The following NLGN1 variants were observed in gnomAD, a reference collection of about 807,000 sequenced individuals.
NLGN1 encodes neuroligin 1.
NLGN1 carries 12 observed loss-of-function variants against 65.5 expected under a neutral mutation model. That is an observed-to-expected ratio of 0.18 (90% CI 0.12 to 0.30). The LOEUF (loss-of-function observed/expected upper bound fraction) is 0.30. Among genes scored for constraint, NLGN1 ranks in the 10% least tolerant of loss-of-function variants. The probability of loss-of-function intolerance (pLI) is 1.00; values close to 1 mark genes in which losing one functional copy is unlikely to be tolerated. For missense variants in NLGN1, 750 were observed against 1,007.1 expected (o/e 0.74, Z 3.46); for synonymous variants, 350 against 359.5 (o/e 0.97, Z 0.30).
intron 2 of NLGN1, among the ~76,000 whole-genome samples, chr3:173,548,093 T>G (rs1222114662): frequency 1.3e-5 from 2 of 152,088 alleles, no homozygotes; most frequent in African/African-American, 4.8e-5. Context: ...AAAAGTTCAT[T>G]GAGATTGTCT....
chr3:173,485,152 A>G (rs571764860), intron 2 of NLGN1, among the ~76,000 whole-genome samples: 2 of 150,682 alleles, frequency 1.3e-5, no homozygotes, highest in African/African-American at 4.9e-5. Flanking sequence ...TTGTGCAAAA[A>G]CTACCATTTT....
chr3:173,884,529 C>G (rs1733956084), intron 4 of NLGN1, among the ~76,000 whole-genome samples: 1 of 152,026 alleles, frequency 6.6e-6, no homozygotes, highest in Middle Eastern at 3.2e-3. Flanking sequence ...ATGGGAGATA[C>G]TGATTTAGAT....
At chr3:173,718,433 A>C (rs2149988835) in intron 3 of NLGN1, among the ~76,000 whole-genome samples, 1 of 152,276 alleles carries the variant, frequency 6.6e-6, no homozygotes, top group South Asian at 2.1e-4. Flanking sequence ...CACTTAACAT[A>C]ATGACCTCCA....
intron 4 of NLGN1, among the ~76,000 whole-genome samples, chr3:174,040,434 A>G (rs1732019005): frequency 6.6e-6 from 1 of 152,154 alleles, no homozygotes; most frequent in South Asian, 2.1e-4. Flanking sequence ...TTTGACCTTG[A>G]AGGGGAATGT....
intron 3 of NLGN1, among the ~76,000 whole-genome samples, chr3:173,730,573 C>CT (rs1772652600): frequency 6.6e-6 from 1 of 152,012 alleles, no homozygotes; most frequent in Non-Finnish European, 1.5e-5. Flanking sequence ...TTTCAGGTTG[C>CT]TCAATAGCTG....
intron 4 of NLGN1, among the ~76,000 whole-genome samples, chr3:173,930,977 GTGTATATTTAGA>G (rs1743982951): frequency 6.6e-6 from 1 of 152,134 alleles, no homozygotes; most frequent in East Asian, 1.9e-4. Context: ...AAGAGAGTGT[GTGTATATTTAGA>G]AGTATTTTGT....
chr3:174,077,719 C>A (rs1293523816), intron 4 of NLGN1, among the ~76,000 whole-genome samples: 1 of 152,044 alleles, frequency 6.6e-6, no homozygotes, highest in East Asian at 1.9e-4. Flanking sequence ...CCACGCCCAG[C>A]CAATTTTTGT....
chr3:173,524,613 G>T (rs758374892), intron 2 of NLGN1, among the ~76,000 whole-genome samples: 7 of 152,106 alleles, frequency 4.6e-5, no homozygotes, highest in Non-Finnish European at 8.8e-5. Context: ...GAATAGTAGT[G>T]GTGAGAGTGA....
At chr3:174,180,025 G>T (rs1008607279) in intron 4 of NLGN1, among the ~76,000 whole-genome samples, 1 of 150,640 alleles carries the variant, frequency 6.6e-6, no homozygotes, top group Non-Finnish European at 1.5e-5. Context: ...CAGTAAGACT[G>T]TCTATTTTTC....
At chr3:173,762,593 T>C (rs1008878291) in intron 3 of NLGN1, among the ~76,000 whole-genome samples, 2 of 152,066 alleles carry the variant, frequency 1.3e-5, no homozygotes, top group Non-Finnish European at 2.9e-5. Context: ...TTATGTTTAC[T>C]ACACAATGAG....
chr3:173,760,276 A>G (rs1370220956), intron 3 of NLGN1, among the ~76,000 whole-genome samples: 2 of 151,952 alleles, frequency 1.3e-5, no homozygotes, highest in African/African-American at 4.8e-5. Context: ...AAGAATCCGC[A>G]TTGAATTTGT....
At chr3:173,414,532 C>A (rs1713274223) in intron 1 of NLGN1, among the ~76,000 whole-genome samples, 1 of 151,706 alleles carries the variant, frequency 6.6e-6, no homozygotes, top group African/African-American at 2.4e-5. Flanking sequence ...CACCTCAGAA[C>A]CTTAGTTAAG....
intron 4 of NLGN1, among the ~76,000 whole-genome samples, chr3:173,825,427 G>A (rs992738955): frequency 6.6e-6 from 1 of 151,918 alleles, no homozygotes; most frequent in Non-Finnish European, 1.5e-5. Flanking sequence ...TTTCAACATT[G>A]ATTTTGATTT....
chr3:173,510,311 G>T (rs527492782), intron 2 of NLGN1, among the ~76,000 whole-genome samples: 20 of 152,302 alleles, frequency 1.3e-4, no homozygotes, highest in African/African-American at 4.8e-4. Flanking sequence ...CTTGGCAAGG[G>T]TTAGTCTCCA....
At chr3:173,921,271 CATT>C (rs1271871849) in intron 4 of NLGN1, among the ~76,000 whole-genome samples, 1 of 146,396 alleles carries the variant, frequency 6.8e-6, no homozygotes, top group Non-Finnish European at 1.5e-5. Flanking sequence ...TAATATATAG[CATT>C]ATTATACATT....
At chr3:174,283,510 C>T (rs1055137540) in exon 7 of NLGN1, 1 of 151,280 alleles carries the variant, frequency 6.6e-6, no homozygotes, top group African/African-American at 2.4e-5. Flanking sequence ...ATACAAATAA[C>T]TAGGTTCATA....
chr3:174,066,305 G>C (rs867681238), intron 4 of NLGN1, among the ~76,000 whole-genome samples: 3 of 151,536 alleles, frequency 2.0e-5, no homozygotes, highest in Non-Finnish European at 4.4e-5. Flanking sequence ...ATTATGGACA[G>C]GTTTTTTTTT....
chr3:173,873,115 A>G lies in NLGN1; in HGVS notation c.646+65283A>G, dbSNP rs1411809181. Among the ~76,000 whole-genome samples the G allele has an allele frequency of 5.9e-5, 9 of 151,388 alleles. 1 individual carries two copies. Among genetic ancestry groups the G allele is most frequent in the African/African-American group, 1.9e-4 (8 of 41,154 alleles). On this transcript the variant is annotated intron_variant, in intron 4 of 6. Transcript: ENST00000457714. The stretch of plus-strand genomic sequence containing the variant: ...ATTTTTTTTTTTTTTTTGAGACCGA[A>G]TCTCACTCTGCTGCCCAGGCTGGAG...
At chr3:173,813,670 G>A (rs1718446337) in intron 4 of NLGN1, among the ~76,000 whole-genome samples, 1 of 152,158 alleles carries the variant, frequency 6.6e-6, no homozygotes, top group Non-Finnish European at 1.5e-5. Context: ...CAGAGAAAAG[G>A]ATACAGAAAG....
Sources: gnomAD v4.1 joint callset for allele counts (sites outside exome capture counted in the v4.1 genomes callset) on GRCh38, gnomAD v4.1.1 for gene constraint, MANE v1.5 for transcripts, NCBI Gene and HGNC (gene_info 2026-07-23, HGNC 2026-07-21) for gene names.